Variants in CIMIP1 observed in about 807,000 individuals in gnomAD.
CIMIP1 encodes the protein ciliary microtubule inner protein 1.
At chr20:58,151,004 A>G in the CIMIP1 span, 1 of 1,609,276 alleles carries the variant, frequency 6.2e-7, no homozygotes, top group Middle Eastern at 1.7e-4. Flanking sequence ...GGCTGAACGC[A>G]TGAACCTTGT....
At chr20:58,158,481 T>C in the CIMIP1 span, among the ~76,000 whole-genome samples, 2 of 152,114 alleles carry the variant, frequency 1.3e-5, no homozygotes, top group Non-Finnish European at 2.9e-5. Context: ...AAACCCCATC[T>C]CTACTAAAAC....
chr20:58,151,157 C>A, the CIMIP1 span: 2 of 881,938 alleles, frequency 2.3e-6, no homozygotes, highest in Non-Finnish European at 3.6e-6. Context: ...GGCAGAGGGG[C>A]GTGCGCTGAG....
the CIMIP1 span, chr20:58,160,545 C>T: frequency 1.8e-6 from 2 of 1,115,408 alleles, no homozygotes; most frequent in East Asian, 2.6e-5. Context: ...TTTCAGTACA[C>T]ATCAGGGAGG....
the CIMIP1 span, chr20:58,160,694 C>T: frequency 1.5e-5 from 24 of 1,614,148 alleles, no homozygotes; most frequent in East Asian, 4.2e-4. Flanking sequence ...ACAGACCACC[C>T]AGGGCTTCAT....
the CIMIP1 span, among the ~76,000 whole-genome samples, chr20:58,152,481 C>T: frequency 6.6e-6 from 1 of 151,898 alleles, no homozygotes; most frequent in Non-Finnish European, 1.5e-5. Flanking sequence ...TGGCTCACAC[C>T]TGTAATCCCA....
the CIMIP1 span, among the ~76,000 whole-genome samples, chr20:58,159,450 C>T: frequency 6.6e-6 from 1 of 151,144 alleles, no homozygotes; most frequent in African/African-American, 2.4e-5. Context: ...AGGAGGCAGA[C>T]GTTTCAGTGA....
At chr20:58,157,176 G>T in the CIMIP1 span, among the ~76,000 whole-genome samples, 1 of 152,262 alleles carries the variant, frequency 6.6e-6, no homozygotes, top group Non-Finnish European at 1.5e-5. Context: ...CCCTTGACCT[G>T]TAAGAGTAAC....
chr20:58,157,273 C>T, the CIMIP1 span, among the ~76,000 whole-genome samples: 2 of 152,248 alleles, frequency 1.3e-5, no homozygotes, highest in Admixed American at 6.5e-5. Flanking sequence ...ACTTCCACTG[C>T]AGCCCCGGAT....
At chr20:58,151,278 GGAGATTGGCTTTCAACAATCAGCA>G in the CIMIP1 span, among the ~76,000 whole-genome samples, 3 of 152,054 alleles carry the variant, frequency 2.0e-5, no homozygotes, top group Non-Finnish European at 4.4e-5. Context: ...CGAAGACGTG[GGAGATTGGCTTTCAACAATCAGCA>G]GAGATTGGCT....
At chr20:58,151,240 CCTT>C in the CIMIP1 span, among the ~76,000 whole-genome samples, 3 of 152,114 alleles carry the variant, frequency 2.0e-5, no homozygotes, top group African/African-American at 4.8e-5. Flanking sequence ...TTCTCCGTCT[CCTT>C]CTCCCTCTCC....
the CIMIP1 span, chr20:58,155,662 C>A: frequency 1.9e-6 from 2 of 1,032,316 alleles, no homozygotes; most frequent in Non-Finnish European, 2.9e-6. Context: ...TCCAGATGTG[C>A]AAAGCCAGCA....
the CIMIP1 span, among the ~76,000 whole-genome samples, chr20:58,157,569 A>G: frequency 6.6e-6 from 1 of 152,230 alleles, no homozygotes; most frequent in Non-Finnish European, 1.5e-5. Context: ...GCAGTTTAAA[A>G]AAGCACTCTA....
the CIMIP1 span, among the ~76,000 whole-genome samples, chr20:58,159,396 A>G: frequency 6.6e-6 from 1 of 151,784 alleles, no homozygotes; most frequent in Admixed American, 6.6e-5. Flanking sequence ...CTTACCTGTA[A>G]TCCCAGCCAC....
the CIMIP1 span, among the ~76,000 whole-genome samples, chr20:58,158,305 C>T: frequency 3.3e-5 from 5 of 152,276 alleles, no homozygotes; most frequent in African/African-American, 4.8e-5. Flanking sequence ...TTGATTCAGG[C>T]GAGAAAGGTC....
chr20:58,161,052 G>A, the CIMIP1 span: 1 of 376,712 alleles, frequency 2.7e-6, no homozygotes, highest in Non-Finnish European at 4.7e-6. Flanking sequence ...AATGAATAAG[G>A]CTTCTCTCAT....
the CIMIP1 span, chr20:58,155,654 C>G: frequency 4.5e-6 from 5 of 1,122,828 alleles, no homozygotes; most frequent in African/African-American, 1.6e-5. Context: ...CTGATGGCTC[C>G]AGATGTGCAA....
the CIMIP1 span, chr20:58,153,759 G>A: frequency 1.5e-6 from 1 of 673,096 alleles, no homozygotes; most frequent in Non-Finnish European, 2.5e-6. Flanking sequence ...TCCTAAACCA[G>A]AAGGTTCCCG....
At chr20:58,159,464 G>C in the CIMIP1 span, among the ~76,000 whole-genome samples, 2 of 151,532 alleles carry the variant, frequency 1.3e-5, no homozygotes, top group Non-Finnish European at 2.9e-5. Flanking sequence ...TCAGTGAACT[G>C]AGATTGCGCC....
the CIMIP1 span, chr20:58,150,915 C>A: frequency 6.4e-7 from 1 of 1,553,636 alleles, no homozygotes; most frequent in Non-Finnish European, 8.7e-7. Context: ...AGACGCGAGA[C>A]GCTGAGCCCA....
Sources: allele counts gnomAD v4.1 joint callset (sites outside exome capture counted in the v4.1 genomes callset), GRCh38; gene constraint gnomAD v4.1.1; transcripts MANE v1.5; gene names NCBI Gene and HGNC (gene_info 2026-07-23, HGNC 2026-07-21).